DPYSL2: variants seen among roughly 807,000 people sequenced by gnomAD.
DPYSL2 encodes dihydropyrimidinase like 2, also known as dihydropyrimidinase-related protein 2.
A neutral mutation model predicts 69.9 loss-of-function variants in DPYSL2; 13 were observed. That is an observed-to-expected ratio of 0.19 (90% CI 0.12 to 0.30). The LOEUF is 0.30. Ranked by LOEUF, DPYSL2 falls within the 10% of genes least tolerant of loss-of-function variation. DPYSL2 has a pLI of 1.00. For missense variants in DPYSL2, 587 were observed against 918.9 expected, an observed-to-expected ratio of 0.64 and a Z score of 4.67; for synonymous variants, 326 against 359.1, an observed-to-expected ratio of 0.91 and a Z score of 1.04.
intron 1 of DPYSL2, among the ~76,000 whole-genome samples, chr8:26,561,515 CT>C (rs1426015208): frequency 1.3e-5 from 2 of 152,094 alleles, no homozygotes; most frequent in East Asian, 3.9e-4. Flanking sequence ...AACCATCCCC[CT>C]AACCGAGTGG....
chr8:26,563,727 C>T (rs1311802656), intron 1 of DPYSL2, among the ~76,000 whole-genome samples: 2 of 152,218 alleles, frequency 1.3e-5, no homozygotes, highest in Non-Finnish European at 2.9e-5. Flanking sequence ...TTTCTTTCCC[C>T]ATTAATTAAA....
intron 1 of DPYSL2, among the ~76,000 whole-genome samples, chr8:26,547,177 A>G (rs1255508013): frequency 6.6e-6 from 1 of 151,790 alleles, no homozygotes; most frequent in Non-Finnish European, 1.5e-5. Flanking sequence ...AGCCTGGGCA[A>G]TGTGGCGAAA....
intron 1 of DPYSL2, chr8:26,578,361 T>G: frequency 1.2e-6 from 2 of 1,601,406 alleles, no homozygotes; most frequent in Non-Finnish European, 1.7e-6. Context: ...GTCTAAGGAA[T>G]TTTTAAAAAG....
In DPYSL2 at chr8:26,620,480, T is replaced by C. The variant is rs1218825035; in HGVS notation, c.629-3663T>C. Among the ~76,000 whole-genome samples the C allele has an allele frequency of 1.3e-5, 2 of 152,168 alleles. No homozygotes were observed. Among genetic ancestry groups the C allele is most frequent in the Admixed American group, 1.3e-4 (2 of 15,284 alleles). ...CATGTTGCCCAGGCTGGTCTCGAAC[T>C]CCTGGCCTCAAGTGATCTTTTGCCA... On this transcript the variant is annotated intron_variant, in intron 3 of 13. Transcript: ENST00000521913. The surrounding 1 kb of genome is among the most constrained non-coding windows in gnomAD (Gnocchi z 4.5).
chr8:26,552,706 A>C (rs940399360), intron 1 of DPYSL2, among the ~76,000 whole-genome samples: 1 of 152,210 alleles, frequency 6.6e-6, no homozygotes, highest in African/African-American at 2.4e-5. Flanking sequence ...CTTTCATAAC[A>C]GACCCGCTCT....
chr8:26,546,247 T>C (rs1339525649), intron 1 of DPYSL2, among the ~76,000 whole-genome samples: 1 of 152,224 alleles, frequency 6.6e-6, no homozygotes, highest in Non-Finnish European at 1.5e-5. Context: ...ATTTCGTGGG[T>C]GCTCATGTAA....
chr8:26,535,898 TTGTGTGTGTG>T (rs112620337), intron 1 of DPYSL2, among the ~76,000 whole-genome samples: 13,763 of 141,216 alleles, frequency 0.097, 704 homozygotes, highest in Non-Finnish European at 0.12. Flanking sequence ...TCTCTATGGG[TTGTGTGTGTG>T]TGTGTGTGTG....
At chr8:26,528,467 T>C (rs1808521008) in intron 1 of DPYSL2, among the ~76,000 whole-genome samples, 1 of 151,554 alleles carries the variant, frequency 6.6e-6, no homozygotes, top group Non-Finnish European at 1.5e-5. Flanking sequence ...GCCAACATGG[T>C]GAAACCCCAT....
chr8:26,623,651 A>G (rs1374959332), intron 3 of DPYSL2, among the ~76,000 whole-genome samples: 1 of 152,246 alleles, frequency 6.6e-6, no homozygotes, highest in East Asian at 1.9e-4. Flanking sequence ...AAGTGGTATT[A>G]TGCTGCAGAA....
chr8:26,640,334 A>G lies in DPYSL2; in HGVS notation c.1127-3105A>G, dbSNP rs1158761007. On this transcript the variant is annotated intron_variant, in intron 8 of 13. Coordinates refer to ENST00000521913, the MANE Select transcript of DPYSL2 (RefSeq NM_001197293.3). The surrounding 1 kb of genome is among the most constrained non-coding windows in gnomAD (Gnocchi z 4.2). ...CTGGCTTGGTCACATCCTTCAGTTT[A>G]GACTTTACCTGGAGAAGAAAATCAC... 6.6e-6 allele frequency among the ~76,000 whole-genome samples: 1 copy of G among 152,234 alleles called. No homozygotes were observed. Among genetic ancestry groups the G allele is most frequent in the African/African-American group, 2.4e-5 (1 of 41,470 alleles).
At chr8:26,567,174 A>G (rs1026341793) in intron 1 of DPYSL2, among the ~76,000 whole-genome samples, 1 of 141,216 alleles carries the variant, frequency 7.1e-6, no homozygotes, top group Non-Finnish European at 1.6e-5. Flanking sequence ...CCATCCATCC[A>G]TCCATCCACC....
Position 26,652,325 on chromosome 8 carries a change from G to A in DPYSL2, c.1665G>A (p.Gly555=). 3.1e-6 allele frequency: 5 copies of A among 1,614,224 alleles called. No homozygotes were observed. Among genetic ancestry groups the A allele is most frequent in the Non-Finnish European group, 4.2e-6 (5 of 1,180,034 alleles). The change falls in exon 12 of 14, where the codon GGG becomes GGA. Residue 555 remains glycine, a synonymous_variant. Coordinates refer to ENST00000521913, the MANE Select transcript of DPYSL2 (RefSeq NM_001197293.3). The surrounding 1 kb of genome is among the most constrained non-coding windows in gnomAD (Gnocchi z 6.3). Reference sequence around the variant, plus strand: ...CCCCACTGGTGGTCATCAGCCAGGGGAAGATTGTCCTGGAGGACGGCACCC... The same window carrying A: ...CCCCACTGGTGGTCATCAGCCAGGGAAAGATTGTCCTGGAGGACGGCACCC... ...RGSPLVVISQ[G]KIVLEDGTLH...
In DPYSL2 at chr8:26,652,454, G is replaced by C; in HGVS notation, c.1776+18G>C. The C allele has an allele frequency of 6.3e-7, 1 of 1,580,068 alleles. No individual in the cohort carries two copies. Among genetic ancestry groups the C allele is most frequent in the Non-Finnish European group, 8.6e-7 (1 of 1,161,042 alleles). On this transcript the variant is annotated intron_variant, in intron 12 of 13. Transcript: ENST00000521913. This position sits in a 1 kb window ranked among gnomAD's most constrained non-coding sequence, Gnocchi z 6.3. Reference sequence around the variant, plus strand: ...GGAGCAGGGTGAGTAGTTTTGTTCTGATGAATTTTTTGTTAAATCACGAAT... The same window carrying C: ...GGAGCAGGGTGAGTAGTTTTGTTCTCATGAATTTTTTGTTAAATCACGAAT...
intron 1 of DPYSL2, among the ~76,000 whole-genome samples, chr8:26,539,248 G>A (rs1245934042): frequency 6.6e-6 from 1 of 152,112 alleles, no homozygotes; most frequent in Non-Finnish European, 1.5e-5. Flanking sequence ...TAGCTTATGG[G>A]TACAGAACCC....
intron 3 of DPYSL2, among the ~76,000 whole-genome samples, chr8:26,611,980 G>C (rs1454803186): frequency 2.6e-5 from 4 of 152,198 alleles, no homozygotes; most frequent in Admixed American, 6.5e-5. Context: ...CTGGGAGAAG[G>C]GTTGAGAGGG....
At position 26,647,362 on chromosome 8, in the gene DPYSL2, T is replaced by C. The variant is rs928899673; in HGVS notation, c.1426-268T>C. Among the ~76,000 whole-genome samples, 14 of 152,160 alleles carry C rather than the reference T, an allele frequency of 9.2e-5. No homozygotes were observed. The highest frequency in any genetic ancestry group is 3.1e-4 in the African/African-American group (13 of 41,440). On this transcript the variant is annotated intron_variant, in intron 10 of 13. Coordinates refer to ENST00000521913, the MANE Select transcript of DPYSL2 (RefSeq NM_001197293.3). The surrounding 1 kb of genome is among the most constrained non-coding windows in gnomAD (Gnocchi z 5.1). ...AGCATTTCAGAGACCAACCTCTTGCTGCTCCTCCCCTCCACCCTCCCTAAC... is the reference window on the plus strand; with the variant it reads ...AGCATTTCAGAGACCAACCTCTTGCCGCTCCTCCCCTCCACCCTCCCTAAC...
chr8:26,515,245 G>C (rs1054554850), intron 1 of DPYSL2, among the ~76,000 whole-genome samples: 5 of 152,148 alleles, frequency 3.3e-5, no homozygotes, highest in African/African-American at 1.2e-4. Flanking sequence ...GCACCGCACC[G>C]CCCTTGACTC....
At chr8:26,558,503 T>G (rs933914731) in intron 1 of DPYSL2, among the ~76,000 whole-genome samples, 3 of 152,306 alleles carry the variant, frequency 2.0e-5, no homozygotes, top group Admixed American at 1.3e-4. Context: ...TACAAGATAC[T>G]GTGGTGGTGG....
At chr8:26,537,635 A>ACACACACACACACACACACACACACAT in intron 1 of DPYSL2, among the ~76,000 whole-genome samples, 1 of 24,516 alleles carries the variant, frequency 4.1e-5, no homozygotes, top group African/African-American at 7.5e-5. Context: ...CACACACACA[A>ACACACACACACACACACACACACACAT]CTGTATATTT....
Sources: gnomAD v4.1 joint callset for allele counts (sites outside exome capture counted in the v4.1 genomes callset) on GRCh38, gnomAD v4.1.1 for gene constraint, Gnocchi (gnomAD v3.1) non-coding constraint, MANE v1.5 for transcripts, NCBI Gene and HGNC (gene_info 2026-07-23, HGNC 2026-07-21) for gene names.